GPC5: variants seen among roughly 807,000 people sequenced by gnomAD.
GPC5 encodes glypican 5, also known as glypican-5.
Under a neutral mutation model 53.9 loss-of-function variants are expected in GPC5, and 47 were observed. That is an observed-to-expected ratio of 0.87 (90% CI 0.69 to 1.11). The LOEUF is 1.11. Ranked by LOEUF, GPC5 falls within the 50% of genes most tolerant of loss-of-function variation. The probability of loss-of-function intolerance (pLI) is 0.00; values close to 1 mark genes in which losing one functional copy is unlikely to be tolerated. For missense variants in GPC5, 748 were observed against 713.1 expected (o/e 1.05, Z -0.56); for synonymous variants, 286 against 263.3 (o/e 1.09, Z -0.84).
At chr13:91,843,147 T>C (rs566632167) in intron 5 of GPC5, among the ~76,000 whole-genome samples, 2 of 152,286 alleles carry the variant, frequency 1.3e-5, no homozygotes, top group East Asian at 3.9e-4. Context: ...ATTTTGTCTG[T>C]GCTACACACC....
intron 5 of GPC5, among the ~76,000 whole-genome samples, chr13:91,897,296 CT>C (rs955628483): frequency 6.6e-6 from 1 of 150,508 alleles, no homozygotes; most frequent in African/African-American, 2.4e-5. Context: ...AGGAACACAG[CT>C]TTTTTGCTAT....
At chr13:91,725,357 G>A (rs961663663) in intron 3 of GPC5, among the ~76,000 whole-genome samples, 15 of 152,172 alleles carry the variant, frequency 9.9e-5, no homozygotes, top group African/African-American at 9.7e-5. Flanking sequence ...AATTGTCAAC[G>A]TAAGTGTGAA....
chr13:92,432,540 A>AT (rs35182646), intron 7 of GPC5, among the ~76,000 whole-genome samples: 10,747 of 133,716 alleles, frequency 0.08, 433 homozygotes, highest in Admixed American at 0.11. Flanking sequence ...ACGCCCGGCT[A>AT]TTTTTTTTTT....
chr13:92,060,916 C>A (rs2138852592), intron 6 of GPC5, among the ~76,000 whole-genome samples: 1 of 152,154 alleles, frequency 6.6e-6, no homozygotes, highest in South Asian at 2.1e-4. Flanking sequence ...TCATGTTTAG[C>A]CTGTTCTTTG....
At chr13:92,390,027 C>G (rs570080547) in intron 7 of GPC5, among the ~76,000 whole-genome samples, 1 of 152,110 alleles carries the variant, frequency 6.6e-6, no homozygotes, top group East Asian at 1.9e-4. Context: ...AATCTTATCA[C>G]CATTTTATGA....
intron 7 of GPC5, among the ~76,000 whole-genome samples, chr13:92,512,234 A>ATGTGTGTG (rs1555339433): frequency 2.7e-5 from 4 of 148,714 alleles, no homozygotes; most frequent in Non-Finnish European, 5.9e-5. Flanking sequence ...TGTAGATTGT[A>ATGTGTGTG]TGTGTGTGTG....
At chr13:92,183,223 C>A (rs945478348) in intron 7 of GPC5, among the ~76,000 whole-genome samples, 5 of 152,120 alleles carry the variant, frequency 3.3e-5, no homozygotes, top group African/African-American at 9.7e-5. Context: ...CATTAAAATT[C>A]TAGTTCAGTA....
At chr13:92,050,548 G>T (rs1455941726) in intron 6 of GPC5, among the ~76,000 whole-genome samples, 1 of 152,170 alleles carries the variant, frequency 6.6e-6, no homozygotes, top group Non-Finnish European at 1.5e-5. Context: ...CCTGAGTCCA[G>T]TAGGCAGAAT....
intron 7 of GPC5, among the ~76,000 whole-genome samples, chr13:92,156,935 A>G (rs1365350962): frequency 6.6e-6 from 1 of 152,112 alleles, no homozygotes; most frequent in African/African-American, 2.4e-5. Context: ...CTTTCTGCTG[A>G]TAAAATAGAC....
At chr13:92,434,209 C>A (rs530138120) in intron 7 of GPC5, among the ~76,000 whole-genome samples, 143 of 152,246 alleles carry the variant, frequency 9.4e-4, no homozygotes, top group Non-Finnish European at 1.6e-3. Flanking sequence ...CAGTGGCCAA[C>A]ACCTTTCTAA....
At chr13:92,777,714 T>C (rs1875870105) in intron 7 of GPC5, among the ~76,000 whole-genome samples, 1 of 152,208 alleles carries the variant, frequency 6.6e-6, no homozygotes, top group South Asian at 2.1e-4. Context: ...CCTTTTCTAT[T>C]TGTTCCCTGA....
chr13:92,161,606 C>T (rs1432656226), intron 7 of GPC5, among the ~76,000 whole-genome samples: 1 of 152,052 alleles, frequency 6.6e-6, no homozygotes, highest in Non-Finnish European at 1.5e-5. Context: ...ATCATTGGTA[C>T]TTGTGAATTA....
At chr13:91,785,046 T>C (rs1232379408) in intron 5 of GPC5, among the ~76,000 whole-genome samples, 2 of 152,236 alleles carry the variant, frequency 1.3e-5, no homozygotes, top group African/African-American at 4.8e-5. Context: ...GTTCTTCTCG[T>C]GGCTACACGG....
chr13:92,327,218 C>T (rs1165703680), intron 7 of GPC5, among the ~76,000 whole-genome samples: 1 of 152,146 alleles, frequency 6.6e-6, no homozygotes, highest in Non-Finnish European at 1.5e-5. Flanking sequence ...TAGCAAAGAG[C>T]CAAACGCCCA....
intron 6 of GPC5, among the ~76,000 whole-genome samples, chr13:91,971,980 G>A (rs1235461596): frequency 2.6e-5 from 4 of 152,102 alleles, no homozygotes; most frequent in Non-Finnish European, 5.9e-5. Flanking sequence ...TGTCTATTAG[G>A]TCTGCTTGGT....
chr13:91,949,066 A>C (rs867349185), intron 6 of GPC5, among the ~76,000 whole-genome samples: 1 of 152,154 alleles, frequency 6.6e-6, no homozygotes, highest in Admixed American at 6.5e-5. Flanking sequence ...CTTGATACTC[A>C]TACATAACTC....
intron 7 of GPC5, among the ~76,000 whole-genome samples, chr13:92,695,234 T>G (rs1887523476): frequency 6.6e-6 from 1 of 152,334 alleles, no homozygotes; most frequent in African/African-American, 2.4e-5. Flanking sequence ...TTTTGATAAC[T>G]GTTTGTTCAT....
chr13:92,607,463 C>T (rs879455956), intron 7 of GPC5, among the ~76,000 whole-genome samples: 8 of 150,664 alleles, frequency 5.3e-5, no homozygotes, highest in East Asian at 1.9e-4. Flanking sequence ...GAATGGAAAA[C>T]GACAGAAAAA....
intron 1 of GPC5, among the ~76,000 whole-genome samples, chr13:91,417,264 A>G (rs1878303495): frequency 6.6e-6 from 1 of 152,224 alleles, no homozygotes; most frequent in Admixed American, 6.5e-5. Context: ...ATAGTTAAAC[A>G]TATGGGTCCA....
Sources: gnomAD v4.1 joint callset for allele counts (sites outside exome capture counted in the v4.1 genomes callset) on GRCh38, gnomAD v4.1.1 for gene constraint, MANE v1.5 for transcripts, NCBI Gene and HGNC (gene_info 2026-07-23, HGNC 2026-07-21) for gene names.